HOMER2: variants seen among roughly 807,000 people sequenced by gnomAD.
HOMER2 encodes the protein homer protein homolog 2.
A neutral mutation model predicts 47.0 loss-of-function variants in HOMER2; 27 were observed. That is an observed-to-expected ratio of 0.57 (90% CI 0.42 to 0.79). The LOEUF is 0.79. Ranked by LOEUF, HOMER2 falls within the 30% of genes least tolerant of loss-of-function variation. The probability of loss-of-function intolerance (pLI) is 0.00; values close to 1 mark genes in which losing one functional copy is unlikely to be tolerated. For missense variants in HOMER2, 443 were observed against 435.0 expected (o/e 1.02, Z -0.16); for synonymous variants, 161 against 163.8 (o/e 0.98, Z 0.13).
At chr15:82,905,279 G>GA (rs35323193) in intron 1 of HOMER2, among the ~76,000 whole-genome samples, 4,242 of 134,148 alleles carry the variant, frequency 0.032, 85 homozygotes, top group Middle Eastern at 0.059. Flanking sequence ...AGAAAAGACT[G>GA]AAAAAAAAAA....
chr15:82,980,663 AG>A lies in HOMER2; in HGVS notation n.82+5123del, dbSNP rs2030361187. ...CAGAACAATAAGAAAACAGTGACCC[AG>A]GGAAGTGGACAATCATGAGAAACTT... On this transcript the variant is annotated intron_variant and non_coding_transcript_variant, in intron 1 of 1. Coordinates refer to the HOMER2 transcript ENST00000500334. Among the ~76,000 whole-genome samples the A allele has an allele frequency of 2.0e-5, 3 of 152,224 alleles. No individual in the cohort carries two copies. In the South Asian group the frequency reaches 6.2e-4, roughly 32 times the overall value.
intron 2 of HOMER2, among the ~76,000 whole-genome samples, chr15:82,891,619 C>G (rs1237245436): frequency 6.6e-6 from 1 of 152,082 alleles, no homozygotes; most frequent in Non-Finnish European, 1.5e-5. Flanking sequence ...GCCCCTGACT[C>G]CCCACTCCCC....
At position 82,837,452 on chromosome 15, in the gene HOMER2, A is replaced by AT. The variant is rs533543895; in HGVS notation, c.*9821dup. 5 of 152,306 alleles carry AT rather than the reference A, an allele frequency of 3.3e-5. No individual in the cohort carries two copies. The South Asian group carries it at 8.3e-4, about 25-fold the overall frequency. The allele number at this position is 152,306 out of a possible 1,614,324, so 9.4% of individuals were successfully genotyped here. A position where few individuals can be genotyped will look rare whatever the true frequency, so the allele number is the denominator to read the frequency against. On this transcript the variant is annotated 3_prime_UTR_variant, in exon 2 of 2. Transcript: ENST00000558090. ...TTTTTGGGATGGGCCGGCAACACAA[A>AT]TAGTTCTGAAGCAGCTGCTCTGCAG... is the stretch of plus-strand genomic sequence containing the variant.
downstream of HOMER2, among the ~76,000 whole-genome samples, chr15:82,848,383 GAT>G (rs1483940751): frequency 6.6e-6 from 1 of 152,192 alleles, no homozygotes; most frequent in African/African-American, 2.4e-5. Context: ...GGCATTTAGA[GAT>G]GTGTGGGGCC....
In HOMER2 at chr15:82,852,230, C is replaced by T. The variant is rs1468259306; in HGVS notation, c.674G>A (p.Cys225Tyr). The T allele has an allele frequency of 6.2e-7, 1 of 1,613,806 alleles. No individual in the cohort carries two copies. Among genetic ancestry groups the T allele is most frequent in the Non-Finnish European group, 8.5e-7 (1 of 1,179,758 alleles). ...CTCCTTCTCTCTGTTGATCTCACTG[C>T]ATTGTTCTTCCAGCTCATCAATCTT... ...RNKIDELEEQ[C>Y]SEINREKEKN... Residue 225 changes from cysteine (C) to tyrosine (Y), a missense_variant, in exon 7 of 9, where the codon TGC becomes TAC. By Grantham distance (194) the Cys-to-Tyr change is radical. Transcript: ENST00000450735.
intron 1 of HOMER2, among the ~76,000 whole-genome samples, chr15:82,961,325 C>T (rs1261876729): frequency 1.3e-5 from 2 of 152,236 alleles, no homozygotes; most frequent in Non-Finnish European, 2.9e-5. Flanking sequence ...CAAACACTTC[C>T]CGTGCGCAGG....
chr15:82,932,470 GAGCCTGGGCAACAC>G (rs1782969068), intron 1 of HOMER2, among the ~76,000 whole-genome samples: 2 of 150,394 alleles, frequency 1.3e-5, no homozygotes, highest in Non-Finnish European at 3.0e-5. Context: ...ACTCCAGCCT[GAGCCTGGGCAACAC>G]AGCAAGACTC....
chr15:82,849,997 A>C, intron 8 of HOMER2, 94 bp from the exon 9 acceptor site: 3 of 1,286,732 alleles, frequency 2.3e-6, no homozygotes, highest in African/African-American at 1.5e-5. Flanking sequence ...TCTCCATCCA[A>C]TCTGAGGGCC....
intron 1 of HOMER2, chr15:82,985,582 A>T (rs2030565243): frequency 6.6e-6 from 1 of 152,294 alleles, no homozygotes; most frequent in Non-Finnish European, 1.5e-5. Context: ...TATTAACAAA[A>T]ACGGGTGCAT....
intron 4 of HOMER2, among the ~76,000 whole-genome samples, chr15:82,861,823 C>T (rs1420226195): frequency 1.3e-5 from 2 of 152,094 alleles, no homozygotes; most frequent in African/African-American, 4.8e-5. Context: ...CCTGAGCCAA[C>T]ATGGTGAAAC....
intron 3 of HOMER2, among the ~76,000 whole-genome samples, chr15:82,869,499 C>T (rs1218943660): frequency 1.8e-5 from 2 of 113,376 alleles, no homozygotes; most frequent in African/African-American, 3.5e-5. Flanking sequence ...CACTCTGTTA[C>T]CCAGGCTGGA....
chr15:82,842,117 A>G (rs1307084990), exon 2 of HOMER2: 1 of 152,160 alleles, frequency 6.6e-6, no homozygotes, highest in Non-Finnish European at 1.5e-5. Flanking sequence ...TCTCATTTAC[A>G]ATAGTAACCA....
intron 1 of HOMER2, among the ~76,000 whole-genome samples, chr15:82,916,643 G>A (rs1421529155): frequency 1.3e-5 from 2 of 152,176 alleles, no homozygotes; most frequent in Non-Finnish European, 2.9e-5. Flanking sequence ...CCAAACACCA[G>A]GGTCGGCAGA....
intron 1 of HOMER2, among the ~76,000 whole-genome samples, chr15:82,948,241 A>C (rs1490388976): frequency 6.6e-6 from 1 of 152,116 alleles, no homozygotes; most frequent in Middle Eastern, 3.2e-3. Flanking sequence ...AATACAAAAA[A>C]TTAGCTGGGC....
chr15:82,976,700 A>G (rs2030216996), intron 1 of HOMER2, among the ~76,000 whole-genome samples: 2 of 115,630 alleles, frequency 1.7e-5, no homozygotes, highest in Admixed American at 9.7e-5. Context: ...TTTTTTTGAG[A>G]CAGAGTTTTG....
chr15:82,938,476 G>A (rs1276989744), intron 1 of HOMER2, among the ~76,000 whole-genome samples: 1 of 152,116 alleles, frequency 6.6e-6, no homozygotes, highest in African/African-American at 2.4e-5. Context: ...CTCTGAGGAC[G>A]ATGCACTCCT....
chr15:82,835,472 T>G (rs1220869314), downstream of HOMER2: 3 of 152,344 alleles, frequency 2.0e-5, no homozygotes, highest in African/African-American at 7.2e-5. Flanking sequence ...GGGCCTCAGT[T>G]GGCACAGCTG....
intron 4 of HOMER2, among the ~76,000 whole-genome samples, chr15:82,861,891 T>A (rs994621704): frequency 2.6e-5 from 4 of 151,968 alleles, no homozygotes; most frequent in African/African-American, 9.7e-5. Flanking sequence ...ATGCTTGTAA[T>A]CCCAGTTAGA....
At chr15:82,917,881 C>CA (rs1332036463) in intron 1 of HOMER2, among the ~76,000 whole-genome samples, 2 of 152,132 alleles carry the variant, frequency 1.3e-5, no homozygotes, top group Admixed American at 1.3e-4. Flanking sequence ...ATGTCAAGGG[C>CA]AAAAGTGAAA....
Sources: gnomAD v4.1 joint callset for allele counts (sites outside exome capture counted in the v4.1 genomes callset) on GRCh38, gnomAD v4.1.1 for gene constraint, MANE v1.5 for transcripts, NCBI Gene and HGNC (gene_info 2026-07-23, HGNC 2026-07-21) for gene names.